Variants in KLF17 observed in about 807,000 individuals in gnomAD.
KLF17 encodes KLF transcription factor 17.
KLF17 carries 31 observed loss-of-function variants against 34.2 expected under a neutral mutation model. The observed-to-expected ratio is 0.91, with a 90% CI of 0.68 to 1.22. The LOEUF (loss-of-function observed/expected upper bound fraction) is 1.22, where lower values mean the gene tolerates loss of function less well. Ranked by LOEUF, KLF17 falls within the 50% of genes most tolerant of loss-of-function variation. KLF17 has a pLI of 0.00. For missense variants in KLF17, 478 were observed against 505.2 expected (o/e 0.95, Z 0.52); for synonymous variants, 179 against 186.7 (o/e 0.96, Z 0.34).
At chr1:44,098,201 T>C in the KLF17 span, among the ~76,000 whole-genome samples, 254 of 152,180 alleles carry the variant, frequency 1.7e-3, 1 homozygote, top group Non-Finnish European at 3.1e-3. Flanking sequence ...GTAGGTTGTA[T>C]GTTTCTAAAA....
chr1:44,075,023 G>A, the KLF17 span: 2 of 152,004 alleles, frequency 1.3e-5, no homozygotes, highest in Non-Finnish European at 2.9e-5. Context: ...GGGGTGCGAC[G>A]GCTCATGCCT....
the KLF17 span, among the ~76,000 whole-genome samples, chr1:44,091,961 A>ACACTCTCT: frequency 3.6e-3 from 418 of 116,530 alleles, no homozygotes; most frequent in Non-Finnish European, 4.7e-3. Context: ...ACACACACAC[A>ACACTCTCT]CTCTCTCTCT....
the KLF17 span, among the ~76,000 whole-genome samples, chr1:44,065,405 G>GTT: frequency 2.5e-3 from 300 of 119,006 alleles, 5 homozygotes; most frequent in African/African-American, 5.0e-3. Context: ...ATAATCCTTG[G>GTT]TTTTTTTTTT....
chr1:44,070,897 TATTTTA>T, the KLF17 span, among the ~76,000 whole-genome samples: 26 of 152,320 alleles, frequency 1.7e-4, 1 homozygote, highest in East Asian at 2.7e-3. Context: ...TTAGAAAGTT[TATTTTA>T]ATTTTAACAT....
the KLF17 span, among the ~76,000 whole-genome samples, chr1:44,064,006 C>T: frequency 1.2e-4 from 19 of 152,012 alleles, no homozygotes; most frequent in Admixed American, 1.2e-3. Context: ...CAGGGCAGTG[C>T]GGGGCCAGAG....
At chr1:44,087,998 G>T in the KLF17 span, 1 of 216,552 alleles carries the variant, frequency 4.6e-6, no homozygotes, top group South Asian at 8.3e-5. Context: ...TCAAACAGAA[G>T]AGTCCCATGG....
At chr1:44,118,814 T>G, upstream of KLF17, 2 of 889,986 alleles carry the variant, frequency 2.2e-6, no homozygotes, top group Non-Finnish European at 1.7e-6. Flanking sequence ...TAGAAGGTGA[T>G]TGTGGCGTGG....
chr1:44,045,570 T>C, the KLF17 span, among the ~76,000 whole-genome samples: 12 of 152,190 alleles, frequency 7.9e-5, no homozygotes, highest in African/African-American at 2.2e-4. Context: ...GACATCACCA[T>C]GATGGGACTA....
At chr1:44,094,902 T>C in the KLF17 span, among the ~76,000 whole-genome samples, 2 of 144,360 alleles carry the variant, frequency 1.4e-5, no homozygotes, top group Non-Finnish European at 1.5e-5. Context: ...TTTTTTTATT[T>C]ATATCTTTTT....
chr1:44,077,312 T>C, the KLF17 span, among the ~76,000 whole-genome samples: 2 of 151,670 alleles, frequency 1.3e-5, no homozygotes, highest in Admixed American at 1.3e-4. Flanking sequence ...GCCACTGCAC[T>C]CCAGCCTAGG....
intron 3 of KLF17, among the ~76,000 whole-genome samples, 196 bp from the exon 4 acceptor site, chr1:44,133,042 G>A (rs1356025627): frequency 6.6e-6 from 1 of 152,192 alleles, no homozygotes; most frequent in African/African-American, 2.4e-5. Context: ...AGCACAGAGA[G>A]ATGAATCAGA....
At chr1:44,113,137 A>G in the KLF17 span, among the ~76,000 whole-genome samples, 2 of 152,212 alleles carry the variant, frequency 1.3e-5, no homozygotes, top group African/African-American at 4.8e-5. Flanking sequence ...GCTGTGGCTT[A>G]TGCCTGTAAT....
At chr1:44,056,810 C>A in the KLF17 span, among the ~76,000 whole-genome samples, 1 of 152,068 alleles carries the variant, frequency 6.6e-6, no homozygotes, top group African/African-American at 2.4e-5. Flanking sequence ...CTTGGGACAA[C>A]AATTAGATGT....
At chr1:44,051,799 G>A in the KLF17 span, among the ~76,000 whole-genome samples, 1 of 152,182 alleles carries the variant, frequency 6.6e-6, no homozygotes, top group Non-Finnish European at 1.5e-5. Flanking sequence ...CTCCTGTTGT[G>A]TTGTTCTGTG....
chr1:44,058,704 T>TTTC, the KLF17 span, among the ~76,000 whole-genome samples: 2 of 104,370 alleles, frequency 1.9e-5, no homozygotes, highest in Non-Finnish European at 3.6e-5. Flanking sequence ...TTTTTTTTTT[T>TTTC]CCCGAGACGG....
chr1:44,066,574 G>T, the KLF17 span, among the ~76,000 whole-genome samples: 1 of 151,856 alleles, frequency 6.6e-6, no homozygotes, highest in Non-Finnish European at 1.5e-5. Context: ...TACATTAATG[G>T]TTGGTGTATA....
chr1:44,080,485 G>C, the KLF17 span, among the ~76,000 whole-genome samples: 1 of 149,942 alleles, frequency 6.7e-6, no homozygotes, highest in Non-Finnish European at 1.5e-5. Flanking sequence ...TGATATGCCC[G>C]CCTTGGCCTC....
At chr1:44,078,897 A>C in the KLF17 span, among the ~76,000 whole-genome samples, 1 of 152,016 alleles carries the variant, frequency 6.6e-6, no homozygotes, top group Non-Finnish European at 1.5e-5. Context: ...CCAGTGGAGC[A>C]CAGTGACACC....
chr1:44,058,667 CTTTTTTTTTTTT>C, the KLF17 span, among the ~76,000 whole-genome samples: 4 of 65,202 alleles, frequency 6.1e-5, no homozygotes, highest in Non-Finnish European at 1.1e-4. Context: ...ATGGGAGGCC[CTTTTTTTTTTTT>C]TTTTTTTTTT....
Sources: gnomAD v4.1 joint callset for allele counts (sites outside exome capture counted in the v4.1 genomes callset) on GRCh38, gnomAD v4.1.1 for gene constraint, MANE v1.5 for transcripts, NCBI Gene and HGNC (gene_info 2026-07-23, HGNC 2026-07-21) for gene names.